The following EPHA5 variants were observed in gnomAD, a reference collection of about 807,000 sequenced individuals.
EPHA5 encodes the protein ephrin type-A receptor 5.
A neutral mutation model predicts 105.0 loss-of-function variants in EPHA5; 60 were observed. The observed-to-expected ratio is 0.57, with a 90% CI of 0.46 to 0.71. EPHA5 has a LOEUF of 0.71. EPHA5 is among the 30% of genes least tolerant of loss of function. The pLI, the probability that EPHA5 is intolerant of heterozygous loss-of-function variation, is 0.00. For synonymous variants in EPHA5, 513 were observed against 449.1 expected, an observed-to-expected ratio of 1.14 and a Z score of -1.80; for missense variants, 1,218 against 1,274.7, an observed-to-expected ratio of 0.96 and a Z score of 0.68.
intron 3 of EPHA5, among the ~76,000 whole-genome samples, chr4:65,501,983 C>T (rs1489372600): frequency 1.3e-5 from 2 of 151,506 alleles, no homozygotes; most frequent in Non-Finnish European, 3.0e-5. Flanking sequence ...ACAAAGCCAA[C>T]AAAAATAAGC....
intron 8 of EPHA5, among the ~76,000 whole-genome samples, chr4:65,401,902 TGTGA>T (rs1721866988): frequency 4.9e-5 from 5 of 101,620 alleles, no homozygotes; most frequent in African/African-American, 2.0e-4. Flanking sequence ...TATGTGTGTG[TGTGA>T]GAGAGAGAGA....
intron 5 of EPHA5, among the ~76,000 whole-genome samples, chr4:65,487,923 G>T (rs928962009): frequency 6.6e-6 from 1 of 152,146 alleles, no homozygotes; most frequent in Admixed American, 6.6e-5. Context: ...ACAATTAGAA[G>T]TTTCCATAAT....
At chr4:65,331,451 T>C in intron 16 of EPHA5, 1 of 1,047,652 alleles carries the variant, frequency 9.5e-7, no homozygotes, top group Non-Finnish European at 1.2e-6. Context: ...CGGGATCTGA[T>C]ACATCCTTAG....
intron 14 of EPHA5, among the ~76,000 whole-genome samples, chr4:65,341,980 C>A (rs1181812135): frequency 6.6e-6 from 1 of 151,972 alleles, no homozygotes; most frequent in Admixed American, 6.6e-5. Flanking sequence ...CGTTTTTATT[C>A]TAAGATAGTT....
chr4:65,635,799 C>T (rs1286932773), intron 2 of EPHA5, among the ~76,000 whole-genome samples: 1 of 152,074 alleles, frequency 6.6e-6, no homozygotes, highest in Admixed American at 6.6e-5. Flanking sequence ...CTGACTGAAA[C>T]AACTCTAATG....
At chr4:65,326,887 C>T (rs879804086) in intron 16 of EPHA5, among the ~76,000 whole-genome samples, 1 of 150,948 alleles carries the variant, frequency 6.6e-6, no homozygotes, top group Admixed American at 6.6e-5. Flanking sequence ...TTTGAATGAC[C>T]TGAAAGAATT....
intron 5 of EPHA5, among the ~76,000 whole-genome samples, chr4:65,468,382 A>C (rs1439948310): frequency 6.6e-6 from 1 of 151,088 alleles, no homozygotes; most frequent in Admixed American, 6.7e-5. Flanking sequence ...TCTAGGGCAG[A>C]ACTTTGAGTA....
At position 65,455,500 on chromosome 4, in the gene EPHA5, G is replaced by A. The variant is rs74629527; in HGVS notation, c.1402+34877C>T. ...CTAGAAGTAACTTCTCATAAGGAAC[G>A]CTGATCTGCTTACAACTCAGGTAAT... is the stretch of plus-strand genomic sequence containing the variant. On this transcript the variant is annotated intron_variant, in intron 5 of 16. Coordinates refer to ENST00000613740, the MANE Select transcript of EPHA5 (RefSeq NM_001281766.3). Among the ~76,000 whole-genome samples, 463 of 152,126 alleles carry A rather than the reference G, an allele frequency of 3.0e-3. 4 individuals carry two copies. The highest frequency in any genetic ancestry group is 0.01 in the African/African-American group (431 of 41,512).
In EPHA5 at chr4:65,438,459, T is replaced by C. The variant is rs569468983; in HGVS notation, c.1403-17894A>G. Among the ~76,000 whole-genome samples, 49 of 152,090 alleles carry C rather than the reference T, an allele frequency of 3.2e-4. No individual in the cohort carries two copies. In the Middle Eastern group the frequency reaches 0.01, roughly 32 times the overall value. ...GTATCCATATATATATACATTCATG[T>C]ATAAATTTTCATATGTTTTCATCTT... On this transcript the variant is annotated intron_variant, in intron 5 of 16. Coordinates refer to ENST00000613740, the MANE Select transcript of EPHA5 (RefSeq NM_001281766.3).
At chr4:65,613,877 T>C (rs1431275381) in intron 2 of EPHA5, among the ~76,000 whole-genome samples, 2 of 152,030 alleles carry the variant, frequency 1.3e-5, no homozygotes, top group African/African-American at 2.4e-5. Context: ...CATTAGACCA[T>C]AGAAGTTTAC....
At chr4:65,531,006 A>C (rs76267267) in intron 3 of EPHA5, among the ~76,000 whole-genome samples, 40,524 of 146,844 alleles carry the variant, frequency 0.28, 5,783 homozygotes, top group Middle Eastern at 0.34. Flanking sequence ...ATTTTTTTTT[A>C]TTTTTTTTAT....
chr4:65,338,656 C>T (rs1721412620), intron 14 of EPHA5, among the ~76,000 whole-genome samples: 1 of 151,908 alleles, frequency 6.6e-6, no homozygotes, highest in Non-Finnish European at 1.5e-5. Context: ...GAACTGGGTC[C>T]AGGTAATTAG....
chr4:65,446,480 G>A (rs1331404915), intron 5 of EPHA5, among the ~76,000 whole-genome samples: 1 of 152,158 alleles, frequency 6.6e-6, no homozygotes, highest in Admixed American at 6.6e-5. Flanking sequence ...AGCTTCTAGT[G>A]AGGGATACAA....
At chr4:65,588,006 A>G (rs1251475472) in intron 3 of EPHA5, among the ~76,000 whole-genome samples, 1 of 152,204 alleles carries the variant, frequency 6.6e-6, no homozygotes, top group African/African-American at 2.4e-5. Context: ...TGCAGAACAT[A>G]TAGTAAAAAG....
chr4:65,455,760 T>G (rs1324475684), intron 5 of EPHA5, among the ~76,000 whole-genome samples: 1 of 152,204 alleles, frequency 6.6e-6, no homozygotes, highest in African/African-American at 2.4e-5. Context: ...ATTTAACTCT[T>G]AACAATCACT....
chr4:65,429,735 T>C (rs1277792077), intron 5 of EPHA5, among the ~76,000 whole-genome samples: 1 of 152,082 alleles, frequency 6.6e-6, no homozygotes, highest in Non-Finnish European at 1.5e-5. Flanking sequence ...ATTTCTATTA[T>C]ACTATTAAAA....
At chr4:65,619,664 CT>C (rs887900407) in intron 2 of EPHA5, among the ~76,000 whole-genome samples, 12 of 151,926 alleles carry the variant, frequency 7.9e-5, no homozygotes, top group Admixed American at 6.6e-5. Context: ...TAACTTCAGG[CT>C]GACAGAATTA....
At chr4:65,531,000 T>A (rs1735717737) in intron 3 of EPHA5, among the ~76,000 whole-genome samples, 1 of 102,260 alleles carries the variant, frequency 9.8e-6, no homozygotes, top group Admixed American at 9.8e-5. Flanking sequence ...GGATGGATTT[T>A]TTTTTATTTT....
intron 5 of EPHA5, among the ~76,000 whole-genome samples, chr4:65,441,357 A>G (rs757802987): frequency 6.6e-6 from 1 of 152,066 alleles, no homozygotes; most frequent in African/African-American, 2.4e-5. Context: ...TGTGAGAAAA[A>G]CAGTATTTCC....
Sources: allele counts gnomAD v4.1 joint callset (sites outside exome capture counted in the v4.1 genomes callset), GRCh38; gene constraint gnomAD v4.1.1; transcripts MANE v1.5; gene names NCBI Gene and HGNC (gene_info 2026-07-23, HGNC 2026-07-21).